Variants in KNTC1 observed in about 807,000 individuals in gnomAD.
The protein encoded by KNTC1 is kinetochore associated 1.
Under a neutral mutation model 314.4 loss-of-function variants are expected in KNTC1, and 253 were observed. That is an observed-to-expected ratio of 0.80 (90% CI 0.73 to 0.89). The LOEUF (loss-of-function observed/expected upper bound fraction) is 0.89, where lower values mean the gene tolerates loss of function less well. KNTC1 is among the 40% of genes least tolerant of loss of function. The pLI, the probability that KNTC1 is intolerant of heterozygous loss-of-function variation, is 0.00. For missense variants in KNTC1, 2,475 were observed against 2,572.9 expected (o/e 0.96, Z 0.82); for synonymous variants, 901 against 901.4 (o/e 1.00, Z 0.01).
intron 1 of KNTC1, among the ~76,000 whole-genome samples, chr12:122,527,840 C>T (rs1960860408): frequency 6.6e-6 from 1 of 152,208 alleles, no homozygotes; most frequent in Admixed American, 6.5e-5. Flanking sequence ...TCTTGTTATT[C>T]AGGTCTCAGC....
intron 41 of KNTC1, 145 bp from the exon 42 acceptor site, chr12:122,591,192 A>G (rs1294130205): frequency 3.3e-6 from 2 of 614,030 alleles, no homozygotes. Context: ...TTACGTAAGA[A>G]GTAACGACTG....
chr12:122,563,612 TC>T (rs1235527224), intron 20 of KNTC1: 2 of 425,322 alleles, frequency 4.7e-6, no homozygotes, highest in African/African-American at 4.2e-5. Context: ...AGGAATTTTT[TC>T]ACTGCGCCAC....
chr12:122,548,385 C>CT, intron 12 of KNTC1, among the ~76,000 whole-genome samples: 1 of 151,808 alleles, frequency 6.6e-6, no homozygotes, highest in East Asian at 1.9e-4. Context: ...AATTTTTGTA[C>CT]TTTTAGTAGA....
chr12:122,605,161 C>A, intron 50 of KNTC1, 74 bp downstream of exon 50: 1 of 1,308,296 alleles, frequency 7.6e-7, no homozygotes, highest in African/African-American at 1.5e-5. Context: ...TATATATGTA[C>A]GTGTACATAT....
chr12:122,570,757 G>T (rs1006809215), intron 22 of KNTC1, 119 bp from the exon 23 acceptor site: 3 of 707,264 alleles, frequency 4.2e-6, no homozygotes, highest in African/African-American at 3.6e-5. Flanking sequence ...AAAGACAATC[G>T]TGGATAAGAG....
intron 60 of KNTC1, among the ~76,000 whole-genome samples, chr12:122,620,919 C>T (rs1874362584): frequency 6.6e-6 from 1 of 152,228 alleles, no homozygotes; most frequent in Non-Finnish European, 1.5e-5. Context: ...CCCATGTAGG[C>T]TTGGACAGAG....
At chr12:122,554,076 A>AATATATATATATAT (rs60404988) in intron 16 of KNTC1, among the ~76,000 whole-genome samples, 18 of 109,050 alleles carry the variant, frequency 1.7e-4, no homozygotes, top group African/African-American at 6.6e-4. Flanking sequence ...AAAAAAAAAA[A>AATATATATATATAT]ATATATATAT....
chr12:122,537,052 T>C (rs1961894393), intron 3 of KNTC1, among the ~76,000 whole-genome samples: 1 of 152,212 alleles, frequency 6.6e-6, no homozygotes, highest in African/African-American at 2.4e-5. Flanking sequence ...TGAAAAGACA[T>C]TGTGGCGGAA....
chr12:122,608,982 A>C (rs995633240), intron 51 of KNTC1, among the ~76,000 whole-genome samples: 3 of 152,096 alleles, frequency 2.0e-5, no homozygotes, highest in African/African-American at 7.2e-5. Flanking sequence ...TTGCTTGAGC[A>C]CAGGAGGTTG....
intron 3 of KNTC1, among the ~76,000 whole-genome samples, chr12:122,535,968 A>G (rs2137669748): frequency 7.0e-6 from 1 of 143,726 alleles, no homozygotes; most frequent in Non-Finnish European, 1.5e-5. Context: ...ATCTCGGCTC[A>G]CTGCAAGCTC....
At chr12:122,600,089 G>A (rs1039179351) in intron 44 of KNTC1, among the ~76,000 whole-genome samples, 1 of 151,750 alleles carries the variant, frequency 6.6e-6, no homozygotes, top group Admixed American at 6.6e-5. Context: ...TCCTTTTTTT[G>A]TTTTTGTTTT....
chr12:122,537,460 C>T (rs533528459), intron 3 of KNTC1, among the ~76,000 whole-genome samples: 3 of 151,424 alleles, frequency 2.0e-5, no homozygotes, highest in African/African-American at 7.3e-5. Context: ...GCTCTGTTGC[C>T]TAGGCTGGAG....
intron 2 of KNTC1, among the ~76,000 whole-genome samples, chr12:122,532,924 T>C (rs1214738837): frequency 6.6e-6 from 1 of 152,064 alleles, no homozygotes; most frequent in African/African-American, 2.4e-5. Context: ...CTTAAGAAAC[T>C]ATGTGTGAGC....
chr12:122,620,509 C>G lies in KNTC1; in HGVS notation c.6180C>G (p.Ile2060Met). The G allele has an allele frequency of 1.9e-6, 3 of 1,613,102 alleles. No homozygotes were observed. The highest frequency in any genetic ancestry group is 4.5e-5 in the East Asian group (2 of 44,862). The change falls in exon 60 of 64, where the codon ATC becomes ATG. Residue 2060 changes from isoleucine to methionine, a missense_variant. Ile to Met is a conservative substitution (Grantham distance 10). Transcript: ENST00000333479. The stretch of plus-strand genomic sequence containing the variant: ...CAGTCTCAGGTGATCTTGACCTGAT[C>G]GGAGTCGCCAGGCAGTATATCCAGT... ...ECPVSGDLDL[I>M]GVARQYIQLE...
chr12:122,605,895 G>A (rs1247659588), intron 51 of KNTC1, among the ~76,000 whole-genome samples: 1 of 151,396 alleles, frequency 6.6e-6, no homozygotes, highest in Non-Finnish European at 1.5e-5. Context: ...CCTGGCAAGT[G>A]CAATGGCACA....
At chr12:122,623,421 G>A (rs140102158) in intron 62 of KNTC1, among the ~76,000 whole-genome samples, 18 of 152,254 alleles carry the variant, frequency 1.2e-4, no homozygotes, top group African/African-American at 3.4e-4. Flanking sequence ...CCATGTTGGC[G>A]CTTGAGAGGT....
chr12:122,611,012 G>C, intron 53 of KNTC1, 112 bp downstream of exon 53: 5 of 743,418 alleles, frequency 6.7e-6, no homozygotes, highest in Non-Finnish European at 9.3e-6. Context: ...TAATGCTCAC[G>C]TACATATGTA....
At chr12:122,623,547 A>G (rs1303043019) in intron 62 of KNTC1, among the ~76,000 whole-genome samples, 1 of 152,204 alleles carries the variant, frequency 6.6e-6, no homozygotes, top group Non-Finnish European at 1.5e-5. Context: ...TAATTGATAC[A>G]TATAATAAGC....
chr12:122,606,775 T>C (rs2138135014), intron 51 of KNTC1, among the ~76,000 whole-genome samples: 1 of 152,256 alleles, frequency 6.6e-6, no homozygotes, highest in South Asian at 2.1e-4. Context: ...TCCTCTATAA[T>C]TGATACTCTT....
Sources: gnomAD v4.1 joint callset for allele counts (sites outside exome capture counted in the v4.1 genomes callset) on GRCh38, gnomAD v4.1.1 for gene constraint, MANE v1.5 for transcripts, NCBI Gene and HGNC (gene_info 2026-07-23, HGNC 2026-07-21) for gene names.